Variants in USP32 observed in about 807,000 individuals in gnomAD.
USP32 encodes ubiquitin specific peptidase 32, also known as ubiquitin carboxyl-terminal hydrolase 32.
In USP32, 59 loss-of-function variants were observed where a neutral mutation model predicts 204.8. The observed-to-expected ratio is 0.29, with a 90% CI of 0.23 to 0.36. The LOEUF (loss-of-function observed/expected upper bound fraction) is 0.36. Ranked by LOEUF, USP32 falls within the 10% of genes least tolerant of loss-of-function variation. The probability of loss-of-function intolerance (pLI) is 1.00; values close to 1 mark genes in which losing one functional copy is unlikely to be tolerated. For synonymous variants in USP32, 517 were observed against 678.4 expected, an observed-to-expected ratio of 0.76 and a Z score of 3.70; for missense variants, 1,160 against 1,946.4, an observed-to-expected ratio of 0.60 and a Z score of 7.60.
At chr17:60,215,392 A>G (rs1023347805) in intron 16 of USP32, among the ~76,000 whole-genome samples, 1 of 152,154 alleles carries the variant, frequency 6.6e-6, no homozygotes, top group Non-Finnish European at 1.5e-5. Flanking sequence ...ACATGCCAGA[A>G]AACAATTGGC....
intron 17 of USP32, 45 bp from the exon 18 acceptor site, chr17:60,213,707 T>G: frequency 7.4e-7 from 1 of 1,354,594 alleles, no homozygotes; most frequent in Non-Finnish European, 1.0e-6. Context: ...GTTAGTAAAC[T>G]TGAAACAAAT....
chr17:60,375,630 G>A (rs1017926475), intron 1 of USP32, among the ~76,000 whole-genome samples: 2 of 152,162 alleles, frequency 1.3e-5, no homozygotes, highest in Non-Finnish European at 2.9e-5. Flanking sequence ...TTGTGATGGA[G>A]TCTCGCTCTG....
intron 1 of USP32, among the ~76,000 whole-genome samples, chr17:60,347,351 ATT>A (rs372941030): frequency 0.053 from 7,012 of 131,080 alleles, 554 homozygotes; most frequent in African/African-American, 0.18. Context: ...CACCTGGCTC[ATT>A]TTTTTTTTTT....
Position 60,211,006 on chromosome 17 carries a change from T to C in USP32, c.2424+7A>G, listed in dbSNP as rs1309924379. ...TAAATACTTTTATATTATTTTAACC[T>C]GCTTACCCGAAGCTTTAATGGGGCA... On this transcript the variant is annotated splice_region_variant and intron_variant, in intron 21 of 33. Transcript: ENST00000300896. 8 of 1,596,450 alleles carry C rather than the reference T, an allele frequency of 5.0e-6. No individual in the cohort carries two copies. The highest frequency in any genetic ancestry group is 1.8e-5 in the Admixed American group (1 of 55,776).
At chr17:60,413,872 AAAAG>A (rs1567901489) in intron 1 of USP32, among the ~76,000 whole-genome samples, 31 of 146,876 alleles carry the variant, frequency 2.1e-4, no homozygotes, top group African/African-American at 7.3e-4. Context: ...AAAAAAAAAA[AAAAG>A]AAAAAAAAAA....
intron 1 of USP32, among the ~76,000 whole-genome samples, chr17:60,353,989 A>C (rs1356933636): frequency 1.6e-4 from 25 of 152,228 alleles, no homozygotes; most frequent in Admixed American, 1.5e-3. Flanking sequence ...TACCATGAGC[A>C]TTCCGTAAAT....
At chr17:60,252,161 G>A (rs1323011894) in intron 11 of USP32, among the ~76,000 whole-genome samples, 1 of 151,970 alleles carries the variant, frequency 6.6e-6, no homozygotes, top group Non-Finnish European at 1.5e-5. Context: ...ATGAAATTTA[G>A]TATTCAGTGC....
intron 2 of USP32, among the ~76,000 whole-genome samples, chr17:60,327,872 G>A (rs901867779): frequency 6.6e-6 from 1 of 152,228 alleles, no homozygotes; most frequent in Non-Finnish European, 1.5e-5. Flanking sequence ...GGACACTCAG[G>A]GCGGTGCTGA....
chr17:60,249,944 A>G (rs2086125497), intron 11 of USP32, among the ~76,000 whole-genome samples: 1 of 152,184 alleles, frequency 6.6e-6, no homozygotes, highest in African/African-American at 2.4e-5. Flanking sequence ...TCCTTTAAAA[A>G]TTATCACAGT....
At chr17:60,245,474 G>A (rs998732485) in intron 11 of USP32, 4 of 341,996 alleles carry the variant, frequency 1.2e-5, no homozygotes, top group African/African-American at 6.7e-5. Context: ...AAGCCACTGG[G>A]CAGCATGTGG....
intron 2 of USP32, among the ~76,000 whole-genome samples, chr17:60,308,748 CA>C (rs2145912073): frequency 6.6e-6 from 1 of 152,046 alleles, no homozygotes; most frequent in Non-Finnish European, 1.5e-5. Context: ...GCCAACATGG[CA>C]AAACCCTGTC....
intron 5 of USP32, among the ~76,000 whole-genome samples, chr17:60,277,551 T>C (rs1319120681): frequency 6.6e-6 from 1 of 152,226 alleles, no homozygotes; most frequent in Non-Finnish European, 1.5e-5. Context: ...GGCTTTAACA[T>C]TGTAAACTAA....
chr17:60,383,852 A>AT (rs1256306690), intron 1 of USP32, among the ~76,000 whole-genome samples: 2 of 152,250 alleles, frequency 1.3e-5, no homozygotes, highest in Non-Finnish European at 2.9e-5. Context: ...GTAGACCACT[A>AT]TAAAGACTAC....
At chr17:60,371,268 A>T (rs1418907581) in intron 1 of USP32, among the ~76,000 whole-genome samples, 2 of 149,622 alleles carry the variant, frequency 1.3e-5, no homozygotes. Flanking sequence ...AAAAAAAAAA[A>T]AAAAAAAAAA....
intron 5 of USP32, among the ~76,000 whole-genome samples, chr17:60,278,240 G>A (rs1375754814): frequency 6.6e-6 from 1 of 151,826 alleles, no homozygotes; most frequent in Non-Finnish European, 1.5e-5. Context: ...TCATATTCTG[G>A]AAACATTTAG....
Position 60,198,410 on chromosome 17 carries a change from T to G in USP32, c.3284A>C (p.Lys1095Thr). The G allele has an allele frequency of 6.2e-7, 1 of 1,614,196 alleles. No individual in the cohort carries two copies. The highest frequency in any genetic ancestry group is 8.5e-7 in the Non-Finnish European group (1 of 1,180,018). Reference sequence around the variant, plus strand: ...CATTCCAAAGAGGCTGGGGCGATTCTTCTGAGATGACAGGAAATACAGTTC... The same window carrying G: ...CATTCCAAAGAGGCTGGGGCGATTCGTCTGAGATGACAGGAAATACAGTTC... ...RTELYFLSSQKNRPSLFGMPL... is the reference protein window; with the variant it reads ...RTELYFLSSQTNRPSLFGMPL... Residue 1095 changes from lysine to threonine, a missense_variant, in exon 27 of 34, where the codon AAG becomes ACG. Lys to Thr is a moderately conservative substitution (Grantham distance 78). Coordinates refer to ENST00000300896, the MANE Select transcript of USP32 (RefSeq NM_032582.4).
Position 60,411,558 on chromosome 17 carries a change from G to T in USP32, c.106+10688C>A, listed in dbSNP as rs1181219148. ...AATTTGTATTTATTTATTTGTTTTA[G>T]AGAGAGAGGTCTCACTATGTTCCCC... On this transcript the variant is annotated intron_variant, in intron 1 of 3. Coordinates refer to the USP32 transcript ENST00000588898. Among the ~76,000 whole-genome samples the T allele has an allele frequency of 1.1e-4, 16 of 149,056 alleles. No homozygotes were observed. In the Admixed American group the frequency reaches 1.1e-3, roughly 10 times the overall value.
chr17:60,402,409 C>T (rs1195343550), intron 1 of USP32, among the ~76,000 whole-genome samples: 2 of 152,000 alleles, frequency 1.3e-5, no homozygotes, highest in Non-Finnish European at 2.9e-5. Context: ...CACCACCACA[C>T]CTGGCTAATT....
intron 9 of USP32, among the ~76,000 whole-genome samples, chr17:60,262,240 G>A (rs2086471917): frequency 6.6e-6 from 1 of 152,186 alleles, no homozygotes; most frequent in African/African-American, 2.4e-5. Flanking sequence ...TATTCAGGCT[G>A]GAGTGCAATG....
Sources: allele counts gnomAD v4.1 joint callset (sites outside exome capture counted in the v4.1 genomes callset), GRCh38; gene constraint gnomAD v4.1.1; transcripts MANE v1.5; gene names NCBI Gene and HGNC (gene_info 2026-07-23, HGNC 2026-07-21).